The following DHDDS variants were observed in gnomAD, a reference collection of about 807,000 sequenced individuals.
The protein encoded by DHDDS is dehydrodolichyl diphosphate synthase subunit.
DHDDS carries 16 observed loss-of-function variants against 46.2 expected under a neutral mutation model. The observed-to-expected ratio is 0.35, with a 90% CI of 0.23 to 0.53. The LOEUF is 0.53. DHDDS is among the 20% of genes least tolerant of loss of function. DHDDS has a pLI of 0.94. For synonymous variants in DHDDS, 151 were observed against 163.1 expected (o/e 0.93, Z 0.56); for missense variants, 340 against 423.7 (o/e 0.80, Z 1.73).
At chr1:26,458,125 C>T (rs1235372235) in intron 7 of DHDDS, among the ~76,000 whole-genome samples, 1 of 152,212 alleles carries the variant, frequency 6.6e-6, no homozygotes, top group Admixed American at 6.5e-5. Context: ...ATAGTGAAAA[C>T]TTCATTGTGC....
chr1:26,438,454 G>A, intron 3 of DHDDS, 170 bp downstream of exon 3: 2 of 667,726 alleles, frequency 3.0e-6, no homozygotes, highest in Non-Finnish European at 5.2e-6. Context: ...GCCAGACGTG[G>A]TTGCTTTTGC....
chr1:26,435,174 T>G (rs2075141690), intron 2 of DHDDS, among the ~76,000 whole-genome samples: 1 of 151,632 alleles, frequency 6.6e-6, no homozygotes, highest in Non-Finnish European at 1.5e-5. Context: ...CACGCCCGGC[T>G]AATTTTTCTT....
chr1:26,446,006 G>C (rs1405018638), intron 4 of DHDDS, among the ~76,000 whole-genome samples: 1 of 152,204 alleles, frequency 6.6e-6, no homozygotes, highest in Non-Finnish European at 1.5e-5. Context: ...CTGGGTGACA[G>C]AGCAAGCCTC....
intron 6 of DHDDS, among the ~76,000 whole-genome samples, chr1:26,449,872 G>C (rs889126340): frequency 6.6e-6 from 1 of 152,148 alleles, no homozygotes; most frequent in South Asian, 2.1e-4. Flanking sequence ...TTAGACTTAC[G>C]TTACAGTGGA....
intron 2 of DHDDS, among the ~76,000 whole-genome samples, chr1:26,436,082 T>C (rs944711699): frequency 6.6e-6 from 1 of 151,178 alleles, no homozygotes; most frequent in Non-Finnish European, 1.5e-5. Context: ...GAAGGTACCA[T>C]CTTCATTTGA....
chr1:26,439,432 A>G (rs1295926404), intron 3 of DHDDS, among the ~76,000 whole-genome samples: 1 of 152,074 alleles, frequency 6.6e-6, no homozygotes, highest in East Asian at 1.9e-4. Context: ...AAAAAAAAAA[A>G]TTAGCCAAGC....
intron 2 of DHDDS, among the ~76,000 whole-genome samples, chr1:26,433,903 T>C (rs959327235): frequency 1.3e-5 from 2 of 152,084 alleles, no homozygotes; most frequent in East Asian, 3.9e-4. Context: ...ACATGGCTAA[T>C]TTTTATATTT....
At position 26,465,454 on chromosome 1, in the gene DHDDS, C is replaced by G. The variant is rs1290787045; in HGVS notation, c.766-3441C>G. Reference sequence around the variant, plus strand: ...CGAGCCTCCCACCTTAGCCTAAAAGCTTGAGTTAATGTCTCAGACATTCAT... The same window carrying G: ...CGAGCCTCCCACCTTAGCCTAAAAGGTTGAGTTAATGTCTCAGACATTCAT... On this transcript the variant is annotated intron_variant, in intron 8 of 8. Coordinates refer to ENST00000236342, the MANE Select transcript of DHDDS (RefSeq NM_205861.3). 2.6e-5 allele frequency among the ~76,000 whole-genome samples: 4 copies of G among 152,276 alleles called. No individual in the cohort carries two copies. In the East Asian group the frequency reaches 7.7e-4, roughly 29 times the overall value.
At chr1:26,440,429 A>G (rs1033704514) in intron 3 of DHDDS, among the ~76,000 whole-genome samples, 4 of 152,162 alleles carry the variant, frequency 2.6e-5, no homozygotes, top group Non-Finnish European at 5.9e-5. Context: ...ACCTGCAGCG[A>G]GTTATGTAGC....
In DHDDS at chr1:26,460,070, C is replaced by G. The variant is rs372352032; in HGVS notation, c.691C>G (p.Leu231Val). 1 of 1,614,080 alleles carries G rather than the reference C, an allele frequency of 6.2e-7. No homozygotes were observed. Among genetic ancestry groups the G allele is most frequent in the African/African-American group, 1.3e-5 (1 of 74,936 alleles). ...CTCCTGCCTGGTGTTCCAACCCGTT[C>G]TGTGGCCAGAGTATACATTTTGGAA... ...SHSCLVFQPV[L>V]WPEYTFWNLF... The change falls in exon 8 of 9, where the codon CTG (leucine) becomes GTG (valine). Residue 231 changes from leucine to valine, a missense_variant. By Grantham distance (32) the Leu-to-Val change is conservative. Around this residue, in one of 2 missense-constraint regions of DHDDS, gnomAD observed 268 missense variants for 300.3 expected, o/e 0.89. Coordinates refer to ENST00000236342, the MANE Select transcript of DHDDS (RefSeq NM_205861.3).
chr1:26,459,413 A>G (rs1360033912), intron 7 of DHDDS, among the ~76,000 whole-genome samples: 1 of 152,228 alleles, frequency 6.6e-6, no homozygotes, highest in Non-Finnish European at 1.5e-5. Context: ...TTATTATTAA[A>G]GTACACCTGG....
At chr1:26,453,024 C>T (rs1365104401) in intron 6 of DHDDS, among the ~76,000 whole-genome samples, 1 of 151,706 alleles carries the variant, frequency 6.6e-6, no homozygotes, top group Non-Finnish European at 1.5e-5. Flanking sequence ...CCTAGCAGGT[C>T]GAGGCTGCAA....
chr1:26,452,878 C>T (rs766010111), intron 6 of DHDDS, among the ~76,000 whole-genome samples: 118 of 152,174 alleles, frequency 7.8e-4, no homozygotes, highest in Middle Eastern at 6.8e-3. Context: ...GCAGGAAAAT[C>T]GCTTGAGCCC....
chr1:26,447,269 G>C lies in DHDDS; in HGVS notation c.441-290G>C, dbSNP rs151189969. Among the ~76,000 whole-genome samples the C allele has an allele frequency of 8.8e-4, 134 of 152,124 alleles. 1 individual carries two copies. Among genetic ancestry groups the C allele is most frequent in the African/African-American group, 3.1e-3 (128 of 41,504 alleles). ...CAGGAGGCAGAGGTTGCAGTGAGTC[G>C]AGATCACGCCATTGCACTTCAGCCT... is the stretch of plus-strand genomic sequence containing the variant. On this transcript the variant is annotated intron_variant, in intron 5 of 8. Coordinates refer to ENST00000236342, the MANE Select transcript of DHDDS (RefSeq NM_205861.3).
chr1:26,456,291 G>C (rs1354529466), intron 6 of DHDDS, among the ~76,000 whole-genome samples: 2 of 152,168 alleles, frequency 1.3e-5, no homozygotes, highest in Non-Finnish European at 2.9e-5. Context: ...AGGATTGCTT[G>C]AGCATGGAAG....
At chr1:26,445,889 G>A (rs998474545) in intron 4 of DHDDS, among the ~76,000 whole-genome samples, 3 of 152,018 alleles carry the variant, frequency 2.0e-5, no homozygotes, top group Non-Finnish European at 4.4e-5. Flanking sequence ...CAGGCCTGGT[G>A]GTGGGCACCT....
At chr1:26,468,198 A>G (rs2075512118) in intron 8 of DHDDS, among the ~76,000 whole-genome samples, 1 of 150,680 alleles carries the variant, frequency 6.6e-6, no homozygotes, top group African/African-American at 2.5e-5. Context: ...GTGGCTTAAG[A>G]GAGTTGAACC....
At chr1:26,432,512 TGAAG>T (rs2075114569) in intron 1 of DHDDS, 136 bp downstream of exon 1, 1 of 245,788 alleles carries the variant, frequency 4.1e-6, no homozygotes, top group Non-Finnish European at 8.2e-6. Context: ...GTGCGATAAC[TGAAG>T]GAGTTAGTAA....
chr1:26,444,372 G>C (rs1428365350), intron 4 of DHDDS, among the ~76,000 whole-genome samples: 2 of 152,114 alleles, frequency 1.3e-5, no homozygotes, highest in African/African-American at 4.8e-5. Flanking sequence ...TTGAAGAAAG[G>C]GTTCTTTGGC....
Sources: gnomAD v4.1 joint callset for allele counts (sites outside exome capture counted in the v4.1 genomes callset) on GRCh38, gnomAD v4.1.1 for gene constraint, gnomAD v4.1.1 regional missense constraint, MANE v1.5 for transcripts, NCBI Gene and HGNC (gene_info 2026-07-23, HGNC 2026-07-21) for gene names.